CSMD1: variants seen among roughly 807,000 people sequenced by gnomAD.
CSMD1 encodes the protein CUB and sushi domain-containing protein 1.
In CSMD1, 213 loss-of-function variants were observed where a neutral mutation model predicts 417.5. The ratio of observed to expected loss-of-function variants is 0.51; its 90% CI spans 0.46 to 0.57. The LOEUF (loss-of-function observed/expected upper bound fraction) is 0.57. Ranked by LOEUF, CSMD1 falls within the 20% of genes least tolerant of loss-of-function variation. CSMD1 has a pLI of 0.00. For missense variants in CSMD1, 6,923 were observed against 4,529.7 expected, an observed-to-expected ratio of 1.53 and a Z score of -15.17; for synonymous variants, 2,862 against 1,736.8, an observed-to-expected ratio of 1.65 and a Z score of -16.11.
chr8:4,031,804 A>T, intron 4 of CSMD1, 101 bp downstream of exon 4: 3 of 864,798 alleles, frequency 3.5e-6, no homozygotes, highest in Non-Finnish European at 5.1e-6. Context: ...AGTCAGCTCA[A>T]CATGTATTAT....
intron 6 of CSMD1, among the ~76,000 whole-genome samples, chr8:3,743,547 G>A (rs1005503417): frequency 6.6e-6 from 1 of 152,118 alleles, no homozygotes; most frequent in African/African-American, 2.4e-5. Context: ...GGGTGTGAAA[G>A]AAAATTAAAT....
intron 18 of CSMD1, among the ~76,000 whole-genome samples, chr8:3,380,576 C>G (rs1388938058): frequency 1.3e-5 from 2 of 152,148 alleles, no homozygotes; most frequent in African/African-American, 4.8e-5. Context: ...AGGATGAGTT[C>G]ATGTCCTTTG....
intron 12 of CSMD1, among the ~76,000 whole-genome samples, chr8:3,409,898 T>C (rs571978250): frequency 9.2e-5 from 14 of 152,352 alleles, no homozygotes; most frequent in African/African-American, 3.1e-4. Context: ...ATCTTCTGGA[T>C]ACCTCCGATC....
chr8:4,562,031 G>C (rs1358623171), intron 2 of CSMD1, among the ~76,000 whole-genome samples: 1 of 152,060 alleles, frequency 6.6e-6, no homozygotes, highest in African/African-American at 2.4e-5. Flanking sequence ...GAAAAGGAAG[G>C]CCGTACATAT....
At chr8:3,999,007 T>C (rs186687958) in intron 4 of CSMD1, among the ~76,000 whole-genome samples, 1 of 148,564 alleles carries the variant, frequency 6.7e-6, no homozygotes, top group African/African-American at 2.4e-5. Flanking sequence ...TATATATAAA[T>C]AACATATAAA....
chr8:3,876,672 C>T (rs1011891618), intron 5 of CSMD1, among the ~76,000 whole-genome samples: 1 of 152,140 alleles, frequency 6.6e-6, no homozygotes, highest in Admixed American at 6.5e-5. Context: ...TGCAGTGGTG[C>T]TATCAGTGCG....
chr8:3,108,537 G>A (rs1563052360), intron 44 of CSMD1, 66 bp downstream of exon 44: 34 of 1,526,640 alleles, frequency 2.2e-5, no homozygotes, highest in Admixed American at 3.6e-5. Flanking sequence ...CAAGGCGTGG[G>A]ACAACACTGC....
intron 8 of CSMD1, among the ~76,000 whole-genome samples, chr8:3,599,243 G>T (rs12676712): frequency 6.6e-6 from 1 of 151,638 alleles, no homozygotes; most frequent in African/African-American, 2.4e-5. Flanking sequence ...AATGATTACT[G>T]CAGTCAAGCA....
intron 3 of CSMD1, among the ~76,000 whole-genome samples, chr8:4,417,459 T>G (rs1797006650): frequency 6.6e-6 from 1 of 152,180 alleles, no homozygotes; most frequent in East Asian, 1.9e-4. Context: ...CCAATACATT[T>G]CAATTAAAAT....
chr8:4,937,574 A>G (rs997228843), intron 1 of CSMD1, among the ~76,000 whole-genome samples: 1 of 152,228 alleles, frequency 6.6e-6, no homozygotes, highest in Non-Finnish European at 1.5e-5. Context: ...AGCATGACAA[A>G]GAACAAAGAT....
intron 1 of CSMD1, among the ~76,000 whole-genome samples, chr8:4,816,686 A>G (rs1799226407): frequency 6.6e-6 from 1 of 152,172 alleles, no homozygotes; most frequent in South Asian, 2.1e-4. Context: ...AGAAAGCAGG[A>G]CTTAAACTTC....
rs746822542 is a variant in CSMD1, at chr8:2,974,556, C to A, written c.8635G>T (p.Ala2879Ser). The A allele has an allele frequency of 5.0e-6, 8 of 1,613,128 alleles. No individual in the cohort carries two copies. The Admixed American group carries it at 1.2e-4, about 24-fold the overall frequency. Residue 2879 changes from alanine (A) to serine (S), a missense_variant, in exon 56 of 70, where the codon GCC (alanine) becomes TCC (serine). Coordinates refer to ENST00000635120, the MANE Select transcript of CSMD1 (RefSeq NM_033225.6). ...CCTCTGCAGGAGTAGTGCACGACGG[C>A]GCCATAGGTAAACAGCTCTCCAGTG... Reference protein sequence around the residue: ...VLTGELFTYGAVVHYSCRGSE... With the variant: ...VLTGELFTYGSVVHYSCRGSE...
intron 33 of CSMD1, among the ~76,000 whole-genome samples, chr8:3,197,271 A>G (rs1401452887): frequency 1.3e-5 from 2 of 152,010 alleles, no homozygotes; most frequent in East Asian, 1.9e-4. Context: ...TGTTGCAAAC[A>G]TTTTTCACTG....
At chr8:4,114,716 G>A (rs908454951) in intron 3 of CSMD1, among the ~76,000 whole-genome samples, 6 of 152,144 alleles carry the variant, frequency 3.9e-5, no homozygotes, top group Non-Finnish European at 8.8e-5. Flanking sequence ...ATGAATAGGA[G>A]TTTAGAAGAA....
intron 37 of CSMD1, among the ~76,000 whole-genome samples, chr8:3,166,181 T>G (rs991969568): frequency 6.6e-6 from 1 of 152,098 alleles, no homozygotes; most frequent in African/African-American, 2.4e-5. Context: ...AAAAGAATCA[T>G]GTACTTTAAA....
At chr8:3,991,155 G>A (rs1454067509) in intron 5 of CSMD1, among the ~76,000 whole-genome samples, 1 of 152,210 alleles carries the variant, frequency 6.6e-6, no homozygotes, top group Admixed American at 6.5e-5. Flanking sequence ...AGTAGACATT[G>A]TGGAGAGGGT....
At chr8:3,631,149 C>G (rs1796762476) in intron 7 of CSMD1, among the ~76,000 whole-genome samples, 2 of 152,184 alleles carry the variant, frequency 1.3e-5, no homozygotes, top group African/African-American at 2.4e-5. Flanking sequence ...ATGGCCCTCC[C>G]TGTGCACCCT....
chr8:4,306,213 A>G (rs1412779591), intron 3 of CSMD1, among the ~76,000 whole-genome samples: 6 of 152,324 alleles, frequency 3.9e-5, no homozygotes, highest in East Asian at 3.9e-4. Context: ...TGCTCTTCAG[A>G]AAAGTTCTTC....
At chr8:4,768,964 A>G (rs1796468241) in intron 1 of CSMD1, among the ~76,000 whole-genome samples, 1 of 152,114 alleles carries the variant, frequency 6.6e-6, no homozygotes, top group Non-Finnish European at 1.5e-5. Flanking sequence ...AAATAAATTA[A>G]CTTGTGACTA....
Sources: allele counts gnomAD v4.1 joint callset (sites outside exome capture counted in the v4.1 genomes callset), GRCh38; gene constraint gnomAD v4.1.1; transcripts MANE v1.5; gene names NCBI Gene and HGNC (gene_info 2026-07-23, HGNC 2026-07-21).